MYO1E: variants seen among roughly 807,000 people sequenced by gnomAD.
MYO1E encodes the protein unconventional myosin-Ie.
In MYO1E, 68 loss-of-function variants were observed where a neutral mutation model predicts 151.1. The ratio of observed to expected loss-of-function variants is 0.45; its 90% CI spans 0.37 to 0.55. The LOEUF is 0.55. MYO1E is among the 20% of genes least tolerant of loss of function. The pLI is 0.00. For missense variants in MYO1E, 1,363 were observed against 1,389.3 expected, an observed-to-expected ratio of 0.98 and a Z score of 0.30; for synonymous variants, 601 against 501.7, an observed-to-expected ratio of 1.20 and a Z score of -2.64.
chr15:59,203,339 C>T (rs1241180085), intron 15 of MYO1E, among the ~76,000 whole-genome samples: 4 of 151,028 alleles, frequency 2.6e-5, no homozygotes, highest in Non-Finnish European at 4.4e-5. Context: ...CAATTTTAAG[C>T]GGAGCAGTAA....
At chr15:59,354,210 T>C (rs1228581739) in intron 1 of MYO1E, among the ~76,000 whole-genome samples, 1 of 152,182 alleles carries the variant, frequency 6.6e-6, no homozygotes, top group Admixed American at 6.5e-5. Context: ...ACAAAACAAT[T>C]AAGCCATTAG....
intron 1 of MYO1E, among the ~76,000 whole-genome samples, chr15:59,313,503 G>A (rs879146996): frequency 4.5e-4 from 30 of 67,330 alleles, no homozygotes; most frequent in Non-Finnish European, 8.5e-4. Context: ...CCCCACCCCC[G>A]CCCCACCTCC....
intron 16 of MYO1E, among the ~76,000 whole-genome samples, chr15:59,198,613 C>T (rs1045598757): frequency 2.0e-4 from 30 of 152,038 alleles, no homozygotes; most frequent in African/African-American, 6.3e-4. Context: ...GTCAGGAGTT[C>T]GAGACCAGCC....
Position 59,237,611 on chromosome 15 carries a change from A to G in MYO1E, c.333-939T>C, listed in dbSNP as rs574209810. Among the ~76,000 whole-genome samples, 15 of 152,068 alleles carry G rather than the reference A, an allele frequency of 9.9e-5. No homozygotes were observed. The South Asian group carries it at 2.9e-3, about 30-fold the overall frequency. On this transcript the variant is annotated intron_variant, in intron 4 of 27. Coordinates refer to ENST00000288235, the MANE Select transcript of MYO1E (RefSeq NM_004998.4). ...GTGGGAGTTAGTATGAAAAATGCAG[A>G]CTGCTACAAGTTCATAGGACAATAT...
At chr15:59,276,644 T>C (rs2140385487) in intron 1 of MYO1E, among the ~76,000 whole-genome samples, 1 of 152,276 alleles carries the variant, frequency 6.6e-6, no homozygotes, top group Middle Eastern at 3.4e-3. Flanking sequence ...TACGCCCCTA[T>C]CCACATAATA....
intron 5 of MYO1E, among the ~76,000 whole-genome samples, chr15:59,234,988 T>C (rs1216059437): frequency 6.6e-6 from 1 of 152,206 alleles, no homozygotes; most frequent in East Asian, 1.9e-4. Flanking sequence ...AGCGCCAAGC[T>C]TGGGCTGCCC....
chr15:59,308,718 A>G (rs1472006573), intron 1 of MYO1E, among the ~76,000 whole-genome samples: 1 of 129,068 alleles, frequency 7.7e-6, no homozygotes, highest in Non-Finnish European at 1.7e-5. Flanking sequence ...AGGTGCCCCT[A>G]ATCCCAGCTA....
chr15:59,210,590 A>C lies in MYO1E; in HGVS notation c.1286T>G (p.Val429Gly). The change falls in exon 13 of 28, where the codon GTT becomes GGT. Residue 429 changes from valine to glycine, a missense_variant. Coordinates refer to ENST00000288235, the MANE Select transcript of MYO1E (RefSeq NM_004998.4). Reference sequence around the variant, plus strand: ...GGGTGTCCATCTTATTCCCTCTTGAACATATTCTTCCTGTAACACAGAGAC... The same window carrying C: ...GGGTGTCCATCTTATTCCCTCTTGACCATATTCTTCCTGTAACACAGAGAC... ...LTLKAEQEEY[V>G]QEGIRWTPIE... The C allele has an allele frequency of 6.3e-7, 1 of 1,597,028 alleles. No individual in the cohort carries two copies. The highest frequency in any genetic ancestry group is 8.6e-7 in the Non-Finnish European group (1 of 1,164,360).
chr15:59,276,462 T>A (rs182232101), intron 1 of MYO1E, among the ~76,000 whole-genome samples: 3 of 152,220 alleles, frequency 2.0e-5, no homozygotes, highest in Admixed American at 6.5e-5. Flanking sequence ...AACGTAATAA[T>A]AACAATAATG....
At chr15:59,212,124 G>A (rs2079882816) in intron 12 of MYO1E, among the ~76,000 whole-genome samples, 2 of 151,972 alleles carry the variant, frequency 1.3e-5, no homozygotes, top group South Asian at 4.2e-4. Context: ...CATCTCACTG[G>A]CTATTGCACT....
Position 59,137,184 on chromosome 15 carries a change from TA to T in MYO1E, c.*195del. The stretch of plus-strand genomic sequence containing the variant: ...GGGTTCCTATGAAGAGGCTACCTTT[TA>T]GGATCACTTATGGAGTGATACTCCC... On this transcript the variant is annotated 3_prime_UTR_variant, in exon 28 of 28. Transcript: ENST00000288235. 2 of 602,470 alleles carry T rather than the reference TA, an allele frequency of 3.3e-6. No homozygotes were observed. Among genetic ancestry groups the T allele is most frequent in the Non-Finnish European group, 5.9e-6 (2 of 336,738 alleles). The allele number at this position is 602,470 out of a possible 1,614,324, so 37.3% of individuals were successfully genotyped here.
chr15:59,166,495 T>C (rs2079563385), intron 22 of MYO1E, among the ~76,000 whole-genome samples: 1 of 152,150 alleles, frequency 6.6e-6, no homozygotes, highest in Non-Finnish European at 1.5e-5. Flanking sequence ...TTCACCAATA[T>C]ATCTTTTCAC....
At chr15:59,206,546 C>A (rs2079835311) in intron 14 of MYO1E, among the ~76,000 whole-genome samples, 1 of 152,224 alleles carries the variant, frequency 6.6e-6, no homozygotes, top group African/African-American at 2.4e-5. Context: ...TCCTTCCTGG[C>A]AGGGTCACGG....
chr15:59,249,983 C>A (rs2080154364), intron 4 of MYO1E, among the ~76,000 whole-genome samples: 1 of 151,958 alleles, frequency 6.6e-6, no homozygotes, highest in Non-Finnish European at 1.5e-5. Context: ...AAAGCCAAGG[C>A]CCAGACAGGT....
intron 12 of MYO1E, among the ~76,000 whole-genome samples, chr15:59,211,947 A>G (rs553349231): frequency 7.0e-4 from 107 of 152,044 alleles, no homozygotes; most frequent in African/African-American, 2.5e-3. Context: ...ATCCCACTCT[A>G]TAAGTCTATA....
At chr15:59,242,931 A>G (rs1247767501) in intron 4 of MYO1E, among the ~76,000 whole-genome samples, 1 of 152,172 alleles carries the variant, frequency 6.6e-6, no homozygotes, top group African/African-American at 2.4e-5. Flanking sequence ...GGCAAAAAAC[A>G]TGGCAAACAC....
chr15:59,198,983 C>T (rs78344751), intron 16 of MYO1E, among the ~76,000 whole-genome samples: 3,774 of 152,252 alleles, frequency 0.025, 154 homozygotes, highest in African/African-American at 0.083. Flanking sequence ...TCTGTTTCTC[C>T]GTAGCATCAA....
At position 59,224,743 on chromosome 15, in the gene MYO1E, C is replaced by G. The variant is rs200119219; in HGVS notation, c.723G>C (p.Ser241=). 2 of 1,614,152 alleles carry G rather than the reference C, an allele frequency of 1.2e-6. No homozygotes were observed. The highest frequency in any genetic ancestry group is 1.7e-6 in the Non-Finnish European group (2 of 1,180,008). The change falls in exon 8 of 28, where the codon TCG becomes TCC. Residue 241 remains serine (S), a synonymous_variant. Coordinates refer to ENST00000288235, the MANE Select transcript of MYO1E (RefSeq NM_004998.4). Reference sequence around the variant, plus strand: ...CAATGTCATCAACCTTGTATGAGCCCGAGAGGCTCAGGTAGTAATAATAGT... The same window carrying G: ...CAATGTCATCAACCTTGTATGAGCCGGAGAGGCTCAGGTAGTAATAATAGT... ...SMDYYYYLSL[S]GSYKVDDIDD... is the part of the protein sequence containing the mutation.
At chr15:59,209,813 ACCTTTTTTTTTTTTTTTTTTTTTTTTTTT>A (rs2079866654) in intron 13 of MYO1E, among the ~76,000 whole-genome samples, 1 of 71,166 alleles carries the variant, frequency 1.4e-5, no homozygotes, top group African/African-American at 4.8e-5. Flanking sequence ...ATTTTGAATC[ACCTTTTTTTTTTTTTTTTTTTTTTTTTTT>A]TTTTTGAGAC....
Sources: gnomAD v4.1 joint callset for allele counts (sites outside exome capture counted in the v4.1 genomes callset) on GRCh38, gnomAD v4.1.1 for gene constraint, MANE v1.5 for transcripts, NCBI Gene and HGNC (gene_info 2026-07-23, HGNC 2026-07-21) for gene names.